Variants in PRKN observed in about 807,000 individuals in gnomAD.
The protein encoded by PRKN is E3 ubiquitin-protein ligase parkin.
In PRKN, 56 loss-of-function variants were observed where a neutral mutation model predicts 59.5. The ratio of observed to expected loss-of-function variants is 0.94; its 90% CI spans 0.76 to 1.18. PRKN has a LOEUF of 1.18. Ranked by LOEUF, PRKN falls within the 50% of genes most tolerant of loss-of-function variation. The pLI, the probability that PRKN is intolerant of heterozygous loss-of-function variation, is 0.00. For missense variants in PRKN, 657 were observed against 596.4 expected (o/e 1.10, Z -1.06); for synonymous variants, 250 against 222.1 (o/e 1.13, Z -1.12).
In PRKN at chr6:161,356,197, A is replaced by AG. The variant is rs1239876443; in HGVS notation, c.1285+3890dup. On this transcript the variant is annotated intron_variant, in intron 11 of 11. Transcript: ENST00000366898. This position sits in a 1 kb window ranked among gnomAD's most constrained non-coding sequence, Gnocchi z 7.8. ...GGCCATCCACAGGCAGGCCCCCTGCAGAGGGAATGGCAGTGCCTCCCCCTC... is the reference window on the plus strand; with the variant it reads ...GGCCATCCACAGGCAGGCCCCCTGCAGGAGGGAATGGCAGTGCCTCCCCCTC... Among the ~76,000 whole-genome samples, 1 of 152,244 alleles carries AG rather than the reference A, an allele frequency of 6.6e-6. No homozygotes were observed. Among genetic ancestry groups the AG allele is most frequent in the African/African-American group, 2.4e-5 (1 of 41,466 alleles).
At position 161,900,948 on chromosome 6, in the gene PRKN, C is replaced by A. The variant is rs150731774; in HGVS notation, c.734+72354G>T. Among the ~76,000 whole-genome samples the A allele has an allele frequency of 7.0e-3, 1,029 of 148,024 alleles. 17 individuals are homozygous for A. The highest frequency in any genetic ancestry group is 0.024 in the African/African-American group (960 of 40,206). ...TATATATTTTTTAGATGGAGTCTCG[C>A]TCTGTCACCCAGGCTGTAGTGCAGT... On this transcript the variant is annotated intron_variant, in intron 6 of 11. Transcript: ENST00000366898.
chr6:162,170,772 AGAAG>A (rs1783234953), intron 4 of PRKN, among the ~76,000 whole-genome samples: 1 of 152,180 alleles, frequency 6.6e-6, no homozygotes, highest in African/African-American at 2.4e-5. Context: ...CAGGACCGAA[AGAAG>A]GAAGGAAGGA....
At chr6:162,378,217 A>G (rs1373688103) in intron 2 of PRKN, among the ~76,000 whole-genome samples, 1 of 152,246 alleles carries the variant, frequency 6.6e-6, no homozygotes, top group Non-Finnish European at 1.5e-5. Flanking sequence ...AAGGGAAACA[A>G]GGCAAGTGCT....
chr6:162,643,397 C>CAAAAAAAA (rs59995115), intron 1 of PRKN, among the ~76,000 whole-genome samples: 811 of 80,492 alleles, frequency 0.01, 27 homozygotes, highest in Non-Finnish European at 0.011. Flanking sequence ...GACTCTGCCT[C>CAAAAAAAA]AAAAAAAAAA....
intron 9 of PRKN, among the ~76,000 whole-genome samples, chr6:161,500,853 TGTTTA>T: frequency 6.8e-6 from 1 of 148,142 alleles, no homozygotes. Context: ...GGTAAGCGTA[TGTTTA>T]GTTTAGTTTT....
intron 6 of PRKN, among the ~76,000 whole-genome samples, chr6:161,970,968 C>T (rs1017055430): frequency 1.3e-5 from 2 of 152,186 alleles, no homozygotes; most frequent in Non-Finnish European, 2.9e-5. Context: ...TGTCCTTACA[C>T]GTGGATCCCT....
chr6:161,535,957 A>AT (rs10650031), intron 9 of PRKN, among the ~76,000 whole-genome samples: 33,162 of 149,566 alleles, frequency 0.22, 4,443 homozygotes, highest in African/African-American at 0.37. Context: ...GAACAAAAAG[A>AT]TTTTTTTTTT....
chr6:162,693,193 C>A (rs1777842980), intron 1 of PRKN, among the ~76,000 whole-genome samples: 1 of 152,186 alleles, frequency 6.6e-6, no homozygotes, highest in African/African-American at 2.4e-5. Context: ...AGGTGCCTCA[C>A]AAATTCAACT....
At chr6:162,278,953 G>A (rs924679809) in intron 2 of PRKN, among the ~76,000 whole-genome samples, 1 of 151,732 alleles carries the variant, frequency 6.6e-6, no homozygotes. Flanking sequence ...GCTATAAATA[G>A]ATTTTTTTAA....
chr6:162,212,631 T>G (rs142511612), intron 3 of PRKN, among the ~76,000 whole-genome samples: 32 of 152,302 alleles, frequency 2.1e-4, no homozygotes, highest in Middle Eastern at 3.4e-3. Context: ...CTAAACATGC[T>G]TATATACAGT....
At chr6:162,236,808 AAG>A (rs904159821) in intron 3 of PRKN, among the ~76,000 whole-genome samples, 1 of 151,040 alleles carries the variant, frequency 6.6e-6, no homozygotes. Flanking sequence ...AAAAGAAAGA[AAG>A]AGAGAGAGAG....
chr6:161,856,908 C>T (rs867639759), intron 6 of PRKN, among the ~76,000 whole-genome samples: 4 of 152,202 alleles, frequency 2.6e-5, no homozygotes, highest in Middle Eastern at 3.4e-3. Flanking sequence ...AGGGTCATGG[C>T]TAACATAAGC....
intron 6 of PRKN, among the ~76,000 whole-genome samples, chr6:161,800,213 T>A (rs1583180170): frequency 6.6e-6 from 1 of 152,012 alleles, no homozygotes; most frequent in South Asian, 2.1e-4. Flanking sequence ...GTGCCGTGGA[T>A]CAAGCAGTGG....
In PRKN at chr6:162,056,446, G is replaced by A. The variant is rs951660945; in HGVS notation, c.535-2272C>T. Among the ~76,000 whole-genome samples the A allele has an allele frequency of 1.4e-4, 21 of 152,232 alleles. No homozygotes were observed. The highest frequency in any genetic ancestry group is 3.9e-4 in the East Asian group (2 of 5,170). On this transcript the variant is annotated intron_variant, in intron 4 of 11. Transcript: ENST00000366898. This position sits in a 1 kb window ranked among gnomAD's most constrained non-coding sequence, Gnocchi z 4.9. Reference sequence around the variant, plus strand: ...CAGAGCAGTTCTCCAGGCCTGAGCCGTACCTGAAAGAGACTGAGCCTTTTG... The same window carrying A: ...CAGAGCAGTTCTCCAGGCCTGAGCCATACCTGAAAGAGACTGAGCCTTTTG...
Position 161,547,229 on chromosome 6 carries a change from A to T in PRKN, c.1083+1625T>A, listed in dbSNP as rs1464263701. Among the ~76,000 whole-genome samples, 3 of 152,214 alleles carry T rather than the reference A, an allele frequency of 2.0e-5. No homozygotes were observed. The highest frequency in any genetic ancestry group is 7.2e-5 in the African/African-American group (3 of 41,456). On this transcript the variant is annotated intron_variant, in intron 9 of 11. Transcript: ENST00000366898. This position sits in a 1 kb window ranked among gnomAD's most constrained non-coding sequence, Gnocchi z 4.0. ...AATTAAGATAAATTAAGAATACGCT[A>T]CCTACAATTGCCAAAGGACAAAGAA...
chr6:161,853,855 T>C (rs1793533857), intron 6 of PRKN, among the ~76,000 whole-genome samples: 2 of 152,102 alleles, frequency 1.3e-5, no homozygotes, highest in Non-Finnish European at 2.9e-5. Context: ...TACTAACCCA[T>C]CATGCCCATT....
chr6:162,176,128 C>A (rs1034225122), intron 4 of PRKN, among the ~76,000 whole-genome samples: 9 of 152,118 alleles, frequency 5.9e-5, no homozygotes, highest in African/African-American at 1.9e-4. Flanking sequence ...GGGCACATGA[C>A]TAAGCCTTAA....
chr6:162,331,838 T>C (rs953349395), intron 2 of PRKN, among the ~76,000 whole-genome samples: 1 of 152,196 alleles, frequency 6.6e-6, no homozygotes, highest in Non-Finnish European at 1.5e-5. Context: ...TTATTGTCTC[T>C]GACACTGCAA....
intron 2 of PRKN, among the ~76,000 whole-genome samples, chr6:162,264,396 TAGC>T (rs1780032724): frequency 6.6e-6 from 1 of 152,132 alleles, no homozygotes. Context: ...CCATAACTCA[TAGC>T]GATGAATGAT....
Sources: allele counts gnomAD v4.1 joint callset (sites outside exome capture counted in the v4.1 genomes callset), GRCh38; gene constraint gnomAD v4.1.1; non-coding constraint Gnocchi (gnomAD v3.1); transcripts MANE v1.5; gene names NCBI Gene and HGNC (gene_info 2026-07-23, HGNC 2026-07-21).